The following SORCS2 variants were observed in gnomAD, a reference collection of about 807,000 sequenced individuals.
SORCS2 encodes the protein sortilin related VPS10 domain containing receptor 2.
SORCS2 carries 100 observed loss-of-function variants against 141.6 expected under a neutral mutation model. The observed-to-expected ratio is 0.71, with a 90% CI of 0.60 to 0.83. The LOEUF is 0.83. Ranked by LOEUF, SORCS2 falls within the 40% of genes least tolerant of loss-of-function variation. SORCS2 has a pLI of 0.00. For missense variants in SORCS2, 1,646 were observed against 1,560.2 expected, an observed-to-expected ratio of 1.05 and a Z score of -0.93; for synonymous variants, 789 against 676.9, an observed-to-expected ratio of 1.17 and a Z score of -2.57.
In SORCS2 at chr4:7,264,910, G is replaced by C. The variant is rs540237296; in HGVS notation, c.480+71784G>C. Among the ~76,000 whole-genome samples the C allele has an allele frequency of 2.0e-5, 3 of 152,342 alleles. No individual in the cohort carries two copies. In the East Asian group the frequency reaches 5.8e-4, roughly 29 times the overall value. On this transcript the variant is annotated intron_variant, in intron 1 of 26. Coordinates refer to ENST00000507866, the MANE Select transcript of SORCS2 (RefSeq NM_020777.3). ...CTGCCATGCCAGACCCCAGCCTGAA[G>C]CTGCTCATTCCCCTGCGGTGCCCGC...
At chr4:7,322,694 C>T (rs902573766) in intron 1 of SORCS2, among the ~76,000 whole-genome samples, 2 of 152,240 alleles carry the variant, frequency 1.3e-5, no homozygotes, top group Admixed American at 1.3e-4. Context: ...CTGGGCTGCA[C>T]ACACTCCGTG....
At chr4:7,328,299 G>A (rs1411327325) in intron 1 of SORCS2, among the ~76,000 whole-genome samples, 1 of 151,492 alleles carries the variant, frequency 6.6e-6, no homozygotes, top group Non-Finnish European at 1.5e-5. Context: ...GCCTCCCAAA[G>A]TGCTGGGTTT....
At chr4:7,360,895 G>T (rs1721544134) in intron 1 of SORCS2, among the ~76,000 whole-genome samples, 1 of 151,862 alleles carries the variant, frequency 6.6e-6, no homozygotes, top group Non-Finnish European at 1.5e-5. Context: ...CCTTCTTCAT[G>T]CATCTTTTTA....
intron 2 of SORCS2, among the ~76,000 whole-genome samples, chr4:7,480,808 T>A (rs1365203349): frequency 6.6e-6 from 1 of 152,232 alleles, no homozygotes; most frequent in Non-Finnish European, 1.5e-5. Context: ...CCTTGGAGGC[T>A]TGGCTGGGAC....
intron 14 of SORCS2, among the ~76,000 whole-genome samples, chr4:7,712,043 A>G (rs1725854800): frequency 6.6e-6 from 1 of 152,112 alleles, no homozygotes; most frequent in African/African-American, 2.4e-5. Context: ...CAGGATGTTC[A>G]GATCTTAGGA....
At chr4:7,310,804 A>G (rs1718135097) in intron 1 of SORCS2, among the ~76,000 whole-genome samples, 1 of 152,250 alleles carries the variant, frequency 6.6e-6, no homozygotes, top group South Asian at 2.1e-4. Flanking sequence ...TGCAAAGAGA[A>G]AGATGTGAAT....
At chr4:7,324,270 C>G (rs1218318910) in intron 1 of SORCS2, among the ~76,000 whole-genome samples, 1 of 152,220 alleles carries the variant, frequency 6.6e-6, no homozygotes, top group East Asian at 1.9e-4. Context: ...TATCACGTAG[C>G]TGGTGGTGAG....
At chr4:7,738,534 G>A (rs989207156) in intron 26 of SORCS2, among the ~76,000 whole-genome samples, 9 of 152,012 alleles carry the variant, frequency 5.9e-5, no homozygotes, top group East Asian at 1.9e-4. Context: ...TGGTGACGTC[G>A]GCACACACCT....
chr4:7,335,722 C>A (rs1423107842), intron 1 of SORCS2, among the ~76,000 whole-genome samples: 1 of 152,244 alleles, frequency 6.6e-6, no homozygotes, highest in African/African-American at 2.4e-5. Flanking sequence ...ATTTTACCTT[C>A]CAGGAGGTTG....
At chr4:7,606,599 TGCCTTGAGG>T (rs915865323) in intron 3 of SORCS2, among the ~76,000 whole-genome samples, 2 of 152,098 alleles carry the variant, frequency 1.3e-5, no homozygotes, top group African/African-American at 4.8e-5. Flanking sequence ...GTGCGTCCTG[TGCCTTGAGG>T]GCCGCCTCTG....
chr4:7,659,794 C>G (rs898566336), intron 5 of SORCS2, among the ~76,000 whole-genome samples: 2 of 152,186 alleles, frequency 1.3e-5, no homozygotes, highest in Non-Finnish European at 2.9e-5. Context: ...AGCTGAGACC[C>G]TGGACTGAGG....
At chr4:7,276,746 T>G (rs1490887923) in intron 1 of SORCS2, among the ~76,000 whole-genome samples, 1 of 152,228 alleles carries the variant, frequency 6.6e-6, no homozygotes, top group African/African-American at 2.4e-5. Context: ...AGGCCAGAGC[T>G]GACCTCATCT....
In SORCS2 at chr4:7,408,503, C is replaced by T. The variant is rs373500074; in HGVS notation, c.548+12148C>T. The stretch of plus-strand genomic sequence containing the variant: ...AAGCTCCTGTATGGGTTATTTGCTT[C>T]TTTTCTCTTGCTGCTTTATAAATCC... On this transcript the variant is annotated intron_variant, in intron 2 of 26. Transcript: ENST00000507866. Among the ~76,000 whole-genome samples the T allele has an allele frequency of 2.6e-5, 4 of 151,896 alleles. No individual in the cohort carries two copies. The East Asian group carries it at 7.8e-4, about 30-fold the overall frequency.
Position 7,424,241 on chromosome 4 carries a change from T to C in SORCS2, c.548+27886T>C, listed in dbSNP as rs568410679. On this transcript the variant is annotated intron_variant, in intron 2 of 26. Coordinates refer to ENST00000507866, the MANE Select transcript of SORCS2 (RefSeq NM_020777.3). ...GACTCTGGGCAAGCTCTAAGCTCCCTCTGAGCCTCTGGCTCCTCGTCTGAA... is the reference window on the plus strand; with the variant it reads ...GACTCTGGGCAAGCTCTAAGCTCCCCCTGAGCCTCTGGCTCCTCGTCTGAA... Among the ~76,000 whole-genome samples, 5 of 152,326 alleles carry C rather than the reference T, an allele frequency of 3.3e-5. No homozygotes were observed. The East Asian group carries it at 9.7e-4, about 30-fold the overall frequency.
rs1727418541 is a variant in SORCS2 at position 7,200,272 on chromosome 4, T to G, written c.480+7146T>G. 1.3e-5 allele frequency among the ~76,000 whole-genome samples: 2 copies of G among 152,134 alleles called. 1 individual carries two copies. Among genetic ancestry groups the G allele is most frequent in the Non-Finnish European group, 2.9e-5 (2 of 68,006 alleles). ...CAGCCGGACCCAGGGGTGCACTCCA[T>G]GCTGTTCCACATGGCCTCTGGCTCT... is the stretch of plus-strand genomic sequence containing the variant. On this transcript the variant is annotated intron_variant, in intron 1 of 26. Transcript: ENST00000507866.
intron 2 of SORCS2, among the ~76,000 whole-genome samples, chr4:7,418,201 A>G (rs895435890): frequency 9.9e-5 from 15 of 152,266 alleles, no homozygotes; most frequent in African/African-American, 3.6e-4. Flanking sequence ...TTCAATGTTG[A>G]ATGAGGCAGA....
At chr4:7,248,291 A>G (rs530892978) in intron 1 of SORCS2, among the ~76,000 whole-genome samples, 1 of 151,894 alleles carries the variant, frequency 6.6e-6, no homozygotes. Flanking sequence ...TACACACGCT[A>G]AGGTTCCAGG....
chr4:7,228,889 C>T (rs974085853), intron 1 of SORCS2, among the ~76,000 whole-genome samples: 5 of 152,182 alleles, frequency 3.3e-5, no homozygotes, highest in Non-Finnish European at 7.3e-5. Flanking sequence ...CGGGCTGGTG[C>T]CCCCTGGATG....
chr4:7,643,914 A>G (rs1720892451), intron 4 of SORCS2, among the ~76,000 whole-genome samples: 2 of 152,274 alleles, frequency 1.3e-5, no homozygotes, highest in East Asian at 3.9e-4. Flanking sequence ...AGAACAGGGA[A>G]AAGATTGGGC....
Sources: gnomAD v4.1 joint callset for allele counts (sites outside exome capture counted in the v4.1 genomes callset) on GRCh38, gnomAD v4.1.1 for gene constraint, MANE v1.5 for transcripts, NCBI Gene and HGNC (gene_info 2026-07-23, HGNC 2026-07-21) for gene names.